Variants in C1GALT1 observed in about 807,000 individuals in gnomAD.
C1GALT1 encodes the protein core 1 synthase, glycoprotein-N-acetylgalactosamine 3-beta-galactosyltransferase 1.
In C1GALT1, 11 loss-of-function variants were observed where a neutral mutation model predicts 31.0. The ratio of observed to expected loss-of-function variants is 0.36; its 90% CI spans 0.22 to 0.59. The LOEUF (loss-of-function observed/expected upper bound fraction) is 0.59, where lower values mean the gene tolerates loss of function less well. Among genes scored for constraint, C1GALT1 ranks in the 20% least tolerant of loss-of-function variants. The pLI is 0.79. For synonymous variants in C1GALT1, 175 were observed against 143.6 expected (o/e 1.22, Z -1.56); for missense variants, 424 against 425.2 (o/e 1.00, Z 0.03).
chr7:7,163,156 T>G (rs1780355598), intron 2 of C1GALT1, among the ~76,000 whole-genome samples: 1 of 152,216 alleles, frequency 6.6e-6, no homozygotes. Context: ...TCTGTTGCCA[T>G]TGCTTTTGGT....
At chr7:7,196,533 T>C (rs1377663243) in intron 1 of C1GALT1, among the ~76,000 whole-genome samples, 1 of 152,214 alleles carries the variant, frequency 6.6e-6, no homozygotes, top group Non-Finnish European at 1.5e-5. Flanking sequence ...TACATGTGCA[T>C]GTGTCTTTAT....
chr7:7,174,861 G>T (rs535363243), intron 2 of C1GALT1, among the ~76,000 whole-genome samples: 1 of 151,848 alleles, frequency 6.6e-6, no homozygotes, highest in South Asian at 2.1e-4. Flanking sequence ...GCTTCCTTTA[G>T]TTCACTGTCA....
intron 1 of C1GALT1, among the ~76,000 whole-genome samples, chr7:7,225,694 A>C (rs960189641): frequency 1.3e-5 from 2 of 152,238 alleles, no homozygotes; most frequent in East Asian, 3.8e-4. Context: ...AGAGGCATGA[A>C]TATTTAGTCT....
At chr7:7,202,908 T>C (rs1247545495) in intron 1 of C1GALT1, among the ~76,000 whole-genome samples, 1 of 152,136 alleles carries the variant, frequency 6.6e-6, no homozygotes, top group Non-Finnish European at 1.5e-5. Context: ...TAAAGCAGTG[T>C]TTTGTAGTTT....
At chr7:7,209,100 C>G (rs981859800) in intron 1 of C1GALT1, among the ~76,000 whole-genome samples, 1 of 152,204 alleles carries the variant, frequency 6.6e-6, no homozygotes, top group Non-Finnish European at 1.5e-5. Context: ...CACATCTTGT[C>G]TTTCCATTTA....
chr7:7,185,550 A>G (rs749317188), intron 1 of C1GALT1, among the ~76,000 whole-genome samples: 21 of 152,252 alleles, frequency 1.4e-4, no homozygotes, highest in Middle Eastern at 3.4e-3. Context: ...GTTACTGCCA[A>G]TCCTTAGCAT....
At chr7:7,161,945 T>C (rs1780337560) in intron 2 of C1GALT1, among the ~76,000 whole-genome samples, 1 of 152,088 alleles carries the variant, frequency 6.6e-6, no homozygotes, top group South Asian at 2.1e-4. Flanking sequence ...AATTCTACTC[T>C]CTCATTAAAT....
At chr7:7,229,318 G>A (rs1252951394) in intron 1 of C1GALT1, among the ~76,000 whole-genome samples, 2 of 152,162 alleles carry the variant, frequency 1.3e-5, no homozygotes, top group East Asian at 3.9e-4. Flanking sequence ...AAGTGTTAGT[G>A]AGAGAATCAG....
chr7:7,179,898 G>A (rs937258874), upstream of C1GALT1, among the ~76,000 whole-genome samples: 4 of 150,440 alleles, frequency 2.7e-5, no homozygotes, highest in East Asian at 7.8e-4. Flanking sequence ...CATATCAAAT[G>A]GCTAAAGCGA....
At chr7:7,207,805 T>C (rs111340829) in intron 1 of C1GALT1, among the ~76,000 whole-genome samples, 18 of 151,232 alleles carry the variant, frequency 1.2e-4, no homozygotes, top group African/African-American at 3.9e-4. Flanking sequence ...TTTTTTTTAA[T>C]TGTTGCAGTC....
At chr7:7,196,908 GTTGT>G (rs1479862324) in intron 1 of C1GALT1, among the ~76,000 whole-genome samples, 1 of 151,984 alleles carries the variant, frequency 6.6e-6, no homozygotes, top group Non-Finnish European at 1.5e-5. Flanking sequence ...TTTTGATGGG[GTTGT>G]TTGATTTTTT....
At chr7:7,231,999 G>C (rs17165413) in intron 1 of C1GALT1, among the ~76,000 whole-genome samples, 6,993 of 152,218 alleles carry the variant, frequency 0.046, 330 homozygotes, top group African/African-American at 0.13. Context: ...TAAGAGCATA[G>C]GTGTTTTTCA....
At chr7:7,194,751 A>G (rs1366447547) in intron 1 of C1GALT1, among the ~76,000 whole-genome samples, 8 of 152,104 alleles carry the variant, frequency 5.3e-5, no homozygotes, top group Admixed American at 4.6e-4. Flanking sequence ...TAGGATTGGT[A>G]TCAGTTCTTC....
intron 1 of C1GALT1, chr7:7,210,413 T>C (rs1781939381): frequency 8.1e-6 from 1 of 124,194 alleles, no homozygotes. Context: ...GGTGGGCAGA[T>C]TCTTTTTTTT....
At chr7:7,190,651 C>T (rs1241776250) in intron 1 of C1GALT1, among the ~76,000 whole-genome samples, 2 of 152,140 alleles carry the variant, frequency 1.3e-5, no homozygotes, top group South Asian at 4.1e-4. Flanking sequence ...CCCAGTTCCC[C>T]TTTCAAGAGT....
rs60685807 is a variant in C1GALT1 at position 7,232,887 on chromosome 7, T to G, written c.-17-1416T>G. 7.6e-3 allele frequency among the ~76,000 whole-genome samples: 1,151 copies of G among 152,334 alleles called. 16 individuals carry two copies. The highest frequency in any genetic ancestry group is 0.026 in the African/African-American group (1,092 of 41,562). On this transcript the variant is annotated intron_variant, in intron 1 of 3. Coordinates refer to ENST00000436587, the MANE Select transcript of C1GALT1 (RefSeq NM_020156.5). ...ATTAATTACCTGTTTAAAATTACCT[T>G]TTTAAAATTTCTCTTTCCTCATCTG...
chr7:7,204,097 G>GTTTTTTTT (rs74853892), intron 1 of C1GALT1, among the ~76,000 whole-genome samples: 5 of 129,614 alleles, frequency 3.9e-5, no homozygotes, highest in Non-Finnish European at 4.9e-5. Flanking sequence ...CTCCTCTTCT[G>GTTTTTTTT]TTTTTTTTTT....
intron 1 of C1GALT1, among the ~76,000 whole-genome samples, chr7:7,217,546 T>G (rs1444584589): frequency 6.6e-6 from 1 of 152,272 alleles, no homozygotes; most frequent in Non-Finnish European, 1.5e-5. Flanking sequence ...TATTCGCTGA[T>G]GGATTATTTC....
chr7:7,194,510 C>G (rs981791344), intron 1 of C1GALT1, among the ~76,000 whole-genome samples: 4 of 151,802 alleles, frequency 2.6e-5, no homozygotes, highest in African/African-American at 9.7e-5. Flanking sequence ...CCCTGCACGC[C>G]TGGCATGAAA....
Sources: allele counts gnomAD v4.1 joint callset (sites outside exome capture counted in the v4.1 genomes callset), GRCh38; gene constraint gnomAD v4.1.1; transcripts MANE v1.5; gene names NCBI Gene and HGNC (gene_info 2026-07-23, HGNC 2026-07-21).